Variants in KIF1B observed in about 807,000 individuals in gnomAD.
KIF1B encodes kinesin family member 1B, also known as kinesin-like protein KIF1B.
A neutral mutation model predicts 241.9 loss-of-function variants in KIF1B; 76 were observed. The observed-to-expected ratio is 0.31, with a 90% CI of 0.26 to 0.38. The LOEUF (loss-of-function observed/expected upper bound fraction) is 0.38. Among genes scored for constraint, KIF1B ranks in the 10% least tolerant of loss-of-function variants. The pLI is 1.00. For missense variants in KIF1B, 1,622 were observed against 2,271.4 expected (o/e 0.71, Z 5.81); for synonymous variants, 750 against 796.7 (o/e 0.94, Z 0.99).
chr1:10,280,208 T>C lies in KIF1B; in HGVS notation c.1222+1070T>C, dbSNP rs375214247. The stretch of plus-strand genomic sequence containing the variant: ...CTTGATTTTGGGGCTAATTTTTAGA[T>C]TTGTACTGAGTTATTTCTTTTTTTT... On this transcript the variant is annotated intron_variant, in intron 14 of 48. Transcript: ENST00000676179. Among the ~76,000 whole-genome samples the C allele has an allele frequency of 1.1e-4, 16 of 152,184 alleles. No homozygotes were observed. In the East Asian group the frequency reaches 1.5e-3, roughly 15 times the overall value.
At chr1:10,211,023 C>T (rs1646685880) in intron 1 of KIF1B, 145 bp downstream of exon 1, 1 of 152,064 alleles carries the variant, frequency 6.6e-6, no homozygotes, top group Admixed American at 6.6e-5. Flanking sequence ...GCGGGAGCCT[C>T]GCCCTCGGGG....
chr1:10,315,238 T>A (rs1458916386), intron 22 of KIF1B, among the ~76,000 whole-genome samples: 5 of 143,594 alleles, frequency 3.5e-5, no homozygotes, highest in Non-Finnish European at 6.0e-5. Flanking sequence ...AGAGCAATGG[T>A]GCAATCTCAG....
intron 10 of KIF1B, among the ~76,000 whole-genome samples, chr1:10,273,430 C>T: frequency 6.6e-6 from 1 of 152,000 alleles, no homozygotes; most frequent in East Asian, 1.9e-4. Context: ...AGCGCGTGCC[C>T]ATAGTGTCCC....
At chr1:10,304,762 A>G in intron 22 of KIF1B, 1 of 1,541,296 alleles carries the variant, frequency 6.5e-7, no homozygotes, top group Non-Finnish European at 8.7e-7. Flanking sequence ...TATAAATATT[A>G]ACTGGTTTTA....
chr1:10,320,922 A>T (rs893746270), intron 23 of KIF1B, among the ~76,000 whole-genome samples: 1 of 151,920 alleles, frequency 6.6e-6, no homozygotes, highest in Admixed American at 6.6e-5. Flanking sequence ...ACTGGTCTCA[A>T]ACTCCTGACC....
rs902654978 is a variant in KIF1B at position 10,378,077 on chromosome 1, T to C, written c.*1490T>C. On this transcript the variant is annotated 3_prime_UTR_variant, in exon 49 of 49. Transcript: ENST00000676179. ...GTTGTTTTCATTGATGCTTGTCAGG[T>C]TGAAGATGCTTTCAGTGATGCTCTC... 6.1e-5 allele frequency: 28 copies of C among 461,774 alleles called. No homozygotes were observed. The highest frequency in any genetic ancestry group is 5.5e-4 in the African/African-American group (28 of 50,902). The allele number at this position is 461,774 out of a possible 1,614,324, so 28.6% of individuals were successfully genotyped here.
intron 28 of KIF1B, 54 bp from the exon 29 acceptor site, chr1:10,336,603 C>A: frequency 1.4e-6 from 2 of 1,391,664 alleles, no homozygotes; most frequent in Non-Finnish European, 2.0e-6. Flanking sequence ...CTTTTTCCCT[C>A]CCTCCCCCTG....
At chr1:10,328,547 T>C (rs1156740507) in intron 27 of KIF1B, among the ~76,000 whole-genome samples, 3 of 152,224 alleles carry the variant, frequency 2.0e-5, no homozygotes, top group African/African-American at 7.2e-5. Context: ...AATGGGACAA[T>C]AATGCTTGCT....
chr1:10,300,237 AAATAAT>A lies in KIF1B; in HGVS notation c.2115+3017_2115+3022del, dbSNP rs367822978. Among the ~76,000 whole-genome samples, 35 of 143,912 alleles carry A rather than the reference AAATAAT, an allele frequency of 2.4e-4. 1 individual carries two copies. The highest frequency in any genetic ancestry group is 8.1e-4 in the East Asian group (4 of 4,966). The allele number at this position is 143,912 out of a possible 152,430, so 94.4% of individuals were successfully genotyped here. ...GGGTGATAAAGCTAGACTCAGTGTC[AAATAAT>A]AATAATAATAATAATAATAATAATA... On this transcript the variant is annotated intron_variant, in intron 22 of 48. Transcript: ENST00000676179.
intron 2 of KIF1B, among the ~76,000 whole-genome samples, chr1:10,239,130 G>A (rs1053981731): frequency 6.6e-6 from 1 of 151,978 alleles, no homozygotes; most frequent in Non-Finnish European, 1.5e-5. Flanking sequence ...CGTATTTTTT[G>A]TAGAGAGAGT....
chr1:10,229,278 A>T (rs1328613281), intron 1 of KIF1B, among the ~76,000 whole-genome samples: 2 of 152,256 alleles, frequency 1.3e-5, no homozygotes, highest in Non-Finnish European at 2.9e-5. Flanking sequence ...TAGCAAATAG[A>T]AAAAGATTAA....
At chr1:10,309,551 G>T (rs1328972533) in intron 22 of KIF1B, among the ~76,000 whole-genome samples, 1 of 151,442 alleles carries the variant, frequency 6.6e-6, no homozygotes, top group Non-Finnish European at 1.5e-5. Flanking sequence ...TAGGAGCCAA[G>T]CCTTTAATGT....
At chr1:10,277,961 G>A in intron 12 of KIF1B, 25 bp from the exon 13 acceptor site, 1 of 1,609,106 alleles carries the variant, frequency 6.2e-7, no homozygotes, top group Non-Finnish European at 8.5e-7. Flanking sequence ...GAAATGACAA[G>A]AACAAATTTT....
intron 1 of KIF1B, among the ~76,000 whole-genome samples, 188 bp from the exon 2 acceptor site, chr1:10,232,062 A>G (rs1054461618): frequency 2.0e-5 from 3 of 152,148 alleles, no homozygotes; most frequent in Non-Finnish European, 2.9e-5. Context: ...CAAAACCAAC[A>G]TAACAAGACC....
intron 2 of KIF1B, among the ~76,000 whole-genome samples, chr1:10,234,463 C>G (rs1162875394): frequency 6.6e-6 from 1 of 151,844 alleles, no homozygotes; most frequent in Non-Finnish European, 1.5e-5. Context: ...CTGCCTTGGC[C>G]TCCCAGAGTG....
In KIF1B at chr1:10,334,577, C is replaced by G. The variant is rs766284790; in HGVS notation, c.2982C>G (p.Ala994=). The G allele has an allele frequency of 3.7e-6, 6 of 1,613,980 alleles. No homozygotes were observed. The highest frequency in any genetic ancestry group is 1.3e-5 in the African/African-American group (1 of 74,928). Residue 994 remains alanine (A), a synonymous_variant, in exon 28 of 49, where the codon GCC becomes GCG. Transcript: ENST00000676179. ...CCGTGCCCCTGATCCACAGGGTGGC[C>G]ATCGTCAGTGAGAAAGGTGAAGTGC... ...LYPVPLIHRV[A]IVSEKGEVRG...
chr1:10,270,389 A>G (rs570722392), intron 7 of KIF1B, among the ~76,000 whole-genome samples: 41 of 152,298 alleles, frequency 2.7e-4, no homozygotes, highest in Non-Finnish European at 3.7e-4. Flanking sequence ...TGATTTTGAG[A>G]TTCATCTATG....
At chr1:10,311,215 CTTTTT>C (rs201700385) in intron 22 of KIF1B, among the ~76,000 whole-genome samples, 1 of 136,978 alleles carries the variant, frequency 7.3e-6, no homozygotes, top group Non-Finnish European at 1.6e-5. Context: ...ACCTCCCATT[CTTTTT>C]TTTTTTTTTT....
chr1:10,251,222 T>A (rs974757024), intron 2 of KIF1B, among the ~76,000 whole-genome samples: 1 of 151,874 alleles, frequency 6.6e-6, no homozygotes, highest in Admixed American at 6.6e-5. Context: ...GTTAGGAAAA[T>A]CTATTAGTTT....
Sources: allele counts gnomAD v4.1 joint callset (sites outside exome capture counted in the v4.1 genomes callset), GRCh38; gene constraint gnomAD v4.1.1; transcripts MANE v1.5; gene names NCBI Gene and HGNC (gene_info 2026-07-23, HGNC 2026-07-21).